The following HIVEP2 variants were observed in gnomAD, a reference collection of about 807,000 sequenced individuals.
HIVEP2 encodes the protein transcription factor HIVEP2.
Under a neutral mutation model 180.7 loss-of-function variants are expected in HIVEP2, and 14 were observed. The observed-to-expected ratio is 0.08, with a 90% CI of 0.05 to 0.12. The LOEUF (loss-of-function observed/expected upper bound fraction) is 0.12. HIVEP2 is among the 10% of genes least tolerant of loss of function. The pLI, the probability that HIVEP2 is intolerant of heterozygous loss-of-function variation, is 1.00. For missense variants in HIVEP2, 2,579 were observed against 3,008.5 expected, an observed-to-expected ratio of 0.86 and a Z score of 3.34; for synonymous variants, 1,184 against 1,136.4, an observed-to-expected ratio of 1.04 and a Z score of -0.84.
At position 142,771,203 on chromosome 6, in the gene HIVEP2, G is replaced by T. The variant is rs759638766; in HGVS notation, c.3536C>A (p.Thr1179Lys). 9 of 1,614,054 alleles carry T rather than the reference G, an allele frequency of 5.6e-6. No individual in the cohort carries two copies. Among genetic ancestry groups the T allele is most frequent in the Non-Finnish European group, 7.6e-6 (9 of 1,180,020 alleles). The change falls in exon 5 of 10, where the codon ACA (threonine) becomes AAA (lysine). Residue 1179 changes from threonine (T) to lysine (K), a missense_variant. This residue lies in a region of HIVEP2 where 523 missense variants were observed against 577.0 expected (regional missense o/e 0.91). Transcript: ENST00000367603. This position sits in a 1 kb window ranked among gnomAD's most constrained non-coding sequence, Gnocchi z 5.4. Reference sequence around the variant, plus strand: ...TGGCTGTTCAGGTAAGTGCTTGCTTGTCATATAGGATGTTGGTTGGATCAA... The same window carrying T: ...TGGCTGTTCAGGTAAGTGCTTGCTTTTCATATAGGATGTTGGTTGGATCAA... Reference protein sequence around the residue: ...NPLIQPTSYMTSKHLPEQPHL... With the variant: ...NPLIQPTSYMKSKHLPEQPHL...
intron 2 of HIVEP2, among the ~76,000 whole-genome samples, chr6:142,827,035 C>T (rs1774921954): frequency 1.3e-5 from 2 of 152,054 alleles, no homozygotes; most frequent in African/African-American, 4.8e-5. Context: ...TACTTTTGTG[C>T]CTTTGTGGGG....
intron 1 of HIVEP2, among the ~76,000 whole-genome samples, chr6:142,927,847 G>A (rs1777854123): frequency 6.6e-6 from 1 of 152,132 alleles, no homozygotes; most frequent in Non-Finnish European, 1.5e-5. Context: ...GGTTAATAAC[G>A]ATTAAAAATA....
chr6:142,890,494 G>T (rs1385846083), intron 1 of HIVEP2, among the ~76,000 whole-genome samples: 1 of 152,162 alleles, frequency 6.6e-6, no homozygotes, highest in Non-Finnish European at 1.5e-5. Context: ...AATGAATGAA[G>T]AATACAGTCC....
At chr6:142,906,096 T>G (rs1777258490) in intron 1 of HIVEP2, among the ~76,000 whole-genome samples, 1 of 152,132 alleles carries the variant, frequency 6.6e-6, no homozygotes, top group African/African-American at 2.4e-5. Context: ...ATGGCACCAT[T>G]GCACTCCAGC....
In HIVEP2 at chr6:142,787,773, T is replaced by C. The variant is rs143632675; in HGVS notation, c.-527-4158A>G. 3.3e-3 allele frequency among the ~76,000 whole-genome samples: 503 copies of C among 151,984 alleles called. 3 individuals are homozygous for C. Among genetic ancestry groups the C allele is most frequent in the African/African-American group, 0.011 (452 of 41,436 alleles). On this transcript the variant is annotated intron_variant, in intron 2 of 9. Coordinates refer to ENST00000367603, the MANE Select transcript of HIVEP2 (RefSeq NM_006734.4). ...TTTGATATAAAGGTAATGGATGAGG[T>C]TGGGGTTGAAATGTAAAAAAGAAAA...
intron 1 of HIVEP2, among the ~76,000 whole-genome samples, chr6:142,871,815 G>A (rs1234855208): frequency 6.6e-6 from 1 of 152,116 alleles, no homozygotes; most frequent in African/African-American, 2.4e-5. Flanking sequence ...GGCATGAAAT[G>A]GTTAATTGAT....
Position 142,771,557 on chromosome 6 carries a change from A to G in HIVEP2, c.3182T>C (p.Val1061Ala). The change falls in exon 5 of 10, where the codon GTG becomes GCG. Residue 1061 changes from valine to alanine, a missense_variant. Transcript: ENST00000367603. The surrounding 1 kb of genome is among the most constrained non-coding windows in gnomAD (Gnocchi z 5.4). ...FDYGNLSHAP[V>A]SGAAASTVSP... Reference sequence around the variant, plus strand: ...TACCGTGGAGGCTGCTGCTCCCGACACAGGAGCATGGGACAGATTCCCATA... The same window carrying G: ...TACCGTGGAGGCTGCTGCTCCCGACGCAGGAGCATGGGACAGATTCCCATA... 3 of 1,613,952 alleles carry G rather than the reference A, an allele frequency of 1.9e-6. No individual in the cohort carries two copies. The highest frequency in any genetic ancestry group is 2.5e-6 in the Non-Finnish European group (3 of 1,179,984).
At chr6:142,898,153 T>A (rs1286711639) in intron 1 of HIVEP2, among the ~76,000 whole-genome samples, 1 of 152,166 alleles carries the variant, frequency 6.6e-6, no homozygotes, top group African/African-American at 2.4e-5. Context: ...TGGAACTGGC[T>A]TTGAGTCTGG....
intron 9 of HIVEP2, 122 bp from the exon 10 acceptor site, chr6:142,754,053 C>T (rs752778475): frequency 5.0e-5 from 28 of 558,580 alleles, no homozygotes; most frequent in Non-Finnish European, 7.9e-5. Flanking sequence ...GCTTCAATAC[C>T]TAATTCTTTG....
rs575963251 is a variant in HIVEP2, at chr6:142,941,483, CA to C, written c.-641+3615del. 2.4e-3 allele frequency among the ~76,000 whole-genome samples: 372 copies of C among 152,252 alleles called. 1 individual carries two copies. The highest frequency in any genetic ancestry group is 4.1e-3 in the Non-Finnish European group (282 of 67,992). ...TCTCATACAATTACTTTAAAATAAA[CA>C]TGATCTTATTTTCATAAAGTTTTCC... is the stretch of plus-strand genomic sequence containing the variant. On this transcript the variant is annotated intron_variant, in intron 1 of 9. Transcript: ENST00000367603.
At chr6:142,809,434 G>T (rs1282250241) in intron 2 of HIVEP2, among the ~76,000 whole-genome samples, 1 of 152,144 alleles carries the variant, frequency 6.6e-6, no homozygotes, top group South Asian at 2.1e-4. Flanking sequence ...TACTGCCCCC[G>T]TGTCTCTCTT....
intron 1 of HIVEP2, among the ~76,000 whole-genome samples, chr6:142,884,069 C>T (rs1198660324): frequency 6.6e-6 from 1 of 152,002 alleles, no homozygotes; most frequent in African/African-American, 2.4e-5. Flanking sequence ...TGAAATGAGG[C>T]TATAAAAATA....
intron 1 of HIVEP2, among the ~76,000 whole-genome samples, chr6:142,892,871 A>T (rs1776894041): frequency 6.6e-6 from 1 of 152,156 alleles, no homozygotes. Flanking sequence ...TTATCATCCC[A>T]CTTAAATGCT....
At chr6:142,798,552 G>A (rs1372345780) in intron 2 of HIVEP2, among the ~76,000 whole-genome samples, 5 of 152,110 alleles carry the variant, frequency 3.3e-5, no homozygotes, top group African/African-American at 1.2e-4. Context: ...AAGATGGCAT[G>A]AAACCAAGAA....
At chr6:142,786,876 G>GT (rs1307192757) in intron 2 of HIVEP2, among the ~76,000 whole-genome samples, 2 of 152,124 alleles carry the variant, frequency 1.3e-5, no homozygotes, top group Non-Finnish European at 2.9e-5. Context: ...CATCACCCTT[G>GT]TTTTTTCTGA....
At chr6:142,898,015 T>C (rs1046901536) in intron 1 of HIVEP2, among the ~76,000 whole-genome samples, 1 of 152,188 alleles carries the variant, frequency 6.6e-6, no homozygotes, top group African/African-American at 2.4e-5. Context: ...GCATGGCACC[T>C]CAGCCCCACT....
At chr6:142,857,787 C>T (rs780845729) in intron 1 of HIVEP2, among the ~76,000 whole-genome samples, 1 of 152,142 alleles carries the variant, frequency 6.6e-6, no homozygotes, top group African/African-American at 2.4e-5. Context: ...AATTTTAGGT[C>T]GGATTTGTTC....
chr6:142,844,033 G>T (rs976583466), intron 1 of HIVEP2, among the ~76,000 whole-genome samples: 2 of 151,882 alleles, frequency 1.3e-5, no homozygotes, highest in Non-Finnish European at 1.5e-5. Context: ...CTTTCGGATG[G>T]CACATACCCA....
At chr6:142,924,362 C>T (rs1777752497) in intron 1 of HIVEP2, among the ~76,000 whole-genome samples, 1 of 152,138 alleles carries the variant, frequency 6.6e-6, no homozygotes, top group Non-Finnish European at 1.5e-5. Flanking sequence ...CCGGGTCAGG[C>T]ACCGTTCTAG....
Sources: gnomAD v4.1 joint callset for allele counts (sites outside exome capture counted in the v4.1 genomes callset) on GRCh38, gnomAD v4.1.1 for gene constraint, gnomAD v4.1.1 regional missense constraint, Gnocchi (gnomAD v3.1) non-coding constraint, MANE v1.5 for transcripts, NCBI Gene and HGNC (gene_info 2026-07-23, HGNC 2026-07-21) for gene names.